Variants in USP24 observed in about 807,000 individuals in gnomAD.
USP24 encodes ubiquitin carboxyl-terminal hydrolase 24.
USP24 carries 97 observed loss-of-function variants against 361.6 expected under a neutral mutation model. The observed-to-expected ratio is 0.27, with a 90% confidence interval of 0.23 to 0.32. The LOEUF (loss-of-function observed/expected upper bound fraction) is 0.32, where lower values mean the gene tolerates loss of function less well. Among genes scored for constraint, USP24 ranks in the 10% least tolerant of loss-of-function variants. The pLI is 1.00. For missense variants in USP24, 2,353 were observed against 3,165.6 expected (o/e 0.74, Z 6.16); for synonymous variants, 1,098 against 1,124.6 (o/e 0.98, Z 0.47).
chr1:55,115,385 A>G (rs1646078976), intron 38 of USP24, among the ~76,000 whole-genome samples: 1 of 145,240 alleles, frequency 6.9e-6, no homozygotes, highest in Non-Finnish European at 1.5e-5. Flanking sequence ...AGTCCCAGCT[A>G]CCTGGGAGGC....
intron 1 of USP24, among the ~76,000 whole-genome samples, chr1:55,181,337 G>A (rs186577551): frequency 1.3e-5 from 2 of 152,226 alleles, no homozygotes; most frequent in Admixed American, 1.3e-4. Flanking sequence ...AATTGGACAA[G>A]GGTAGAAGGA....
At chr1:55,093,774 T>C (rs2100479426) in intron 52 of USP24, 163 bp downstream of exon 52, 2 of 941,676 alleles carry the variant, frequency 2.1e-6, no homozygotes, top group East Asian at 2.7e-5. Flanking sequence ...TCTAGCTCTA[T>C]GGCCCCCTCT....
intron 63 of USP24, among the ~76,000 whole-genome samples, chr1:55,074,717 G>T (rs1644990679): frequency 6.6e-6 from 1 of 151,878 alleles, no homozygotes; most frequent in South Asian, 2.1e-4. Flanking sequence ...CTCTTGAGGA[G>T]TTTATAGTTT....
intron 56 of USP24, among the ~76,000 whole-genome samples, chr1:55,084,807 T>C (rs1645217149): frequency 6.6e-6 from 1 of 152,236 alleles, no homozygotes; most frequent in Non-Finnish European, 1.5e-5. Context: ...TCCAAGTGTA[T>C]GGCCGCCATT....
chr1:55,213,438 C>A (rs1644897341), intron 1 of USP24, among the ~76,000 whole-genome samples: 1 of 152,208 alleles, frequency 6.6e-6, no homozygotes, highest in Non-Finnish European at 1.5e-5. Flanking sequence ...CTTGTTCAAG[C>A]TACTTCAGCC....
intron 31 of USP24, among the ~76,000 whole-genome samples, chr1:55,131,345 G>A (rs1302600053): frequency 6.6e-6 from 1 of 152,092 alleles, no homozygotes; most frequent in Non-Finnish European, 1.5e-5. Context: ...AAAGCACTTT[G>A]GTACTCCATG....
At position 55,106,201 on chromosome 1, in the gene USP24, T is replaced by G; in HGVS notation, c.4825A>C (p.Asn1609His). Residue 1609 changes from asparagine to histidine, a missense_variant, in exon 41 of 68, where the codon AAT (asparagine) becomes CAT (histidine). Asn to His is a moderately conservative substitution (Grantham distance 68). Transcript: ENST00000294383. ...FLFRASRIIL[N>H]SHSPAGSAAI... ...GCACTGCCAGCTGGAGAATGACTAT[T>G]TAAAATAATTCTAGAAGCTCGGAAA... 1.2e-6 allele frequency: 2 copies of G among 1,613,982 alleles called. No individual in the cohort carries two copies. Among genetic ancestry groups the G allele is most frequent in the Non-Finnish European group, 8.5e-7 (1 of 1,179,852 alleles).
intron 9 of USP24, among the ~76,000 whole-genome samples, 154 bp from the exon 10 acceptor site, chr1:55,159,190 A>G (rs941850532): frequency 6.6e-6 from 1 of 152,250 alleles, no homozygotes; most frequent in Non-Finnish European, 1.5e-5. Context: ...TAGAAACAAA[A>G]CTTAGCACAT....
At chr1:55,123,686 C>A in intron 35 of USP24, 84 bp from the exon 36 acceptor site, 1 of 1,346,148 alleles carries the variant, frequency 7.4e-7, no homozygotes, top group Non-Finnish European at 9.8e-7. Context: ...GTTCCAGAAT[C>A]CTCATGTGAC....
In USP24 at chr1:55,097,937, T is replaced by C; in HGVS notation, c.5595+6A>G. The stretch of plus-strand genomic sequence containing the variant: ...TCTTGTTTTTTAAAAAGGGCAAACA[T>C]AATACCTTTTCTTTACACTTTTCAC... On this transcript the variant is annotated splice_donor_region_variant and intron_variant, in intron 47 of 67. Coordinates refer to ENST00000294383, the MANE Select transcript of USP24 (RefSeq NM_015306.3). 1 of 1,590,268 alleles carries C rather than the reference T, an allele frequency of 6.3e-7. No homozygotes were observed. Among genetic ancestry groups the C allele is most frequent in the Non-Finnish European group, 8.5e-7 (1 of 1,172,844 alleles).
chr1:55,137,930 TGA>T (rs1646783896), intron 26 of USP24, 26 bp from the exon 27 acceptor site: 2 of 1,547,112 alleles, frequency 1.3e-6, no homozygotes, highest in Non-Finnish European at 1.8e-6. Context: ...AAACACGTTG[TGA>T]GAGAATTCAT....
intron 52 of USP24, 186 bp downstream of exon 52, chr1:55,093,751 A>G: frequency 1.4e-6 from 1 of 695,194 alleles, no homozygotes; most frequent in Non-Finnish European, 2.3e-6. Context: ...TTGTGTTCTT[A>G]GCACTCCATG....
At chr1:55,170,053 A>C (rs1649292674) in intron 5 of USP24, among the ~76,000 whole-genome samples, 1 of 152,122 alleles carries the variant, frequency 6.6e-6, no homozygotes, top group East Asian at 1.9e-4. Context: ...AGGACATGGA[A>C]TCTTCAGGAG....
intron 4 of USP24, 44 bp downstream of exon 4, chr1:55,172,333 A>C: frequency 6.6e-7 from 1 of 1,505,806 alleles, no homozygotes; most frequent in East Asian, 2.4e-5. Context: ...AAGTATTTTA[A>C]ACAAAATCAA....
intron 6 of USP24, 25 bp downstream of exon 6, chr1:55,166,543 G>A (rs762383723): frequency 6.4e-7 from 1 of 1,572,228 alleles, no homozygotes; most frequent in East Asian, 2.3e-5. Context: ...TATGCTACAT[G>A]ACAATATTAA....
chr1:55,208,686 C>A (rs1172604187), intron 1 of USP24, among the ~76,000 whole-genome samples: 1 of 150,304 alleles, frequency 6.7e-6, no homozygotes, highest in African/African-American at 2.5e-5. Flanking sequence ...GGCTGTAATC[C>A]CAGCACTCTG....
Position 55,129,548 on chromosome 1 carries a change from T to C in USP24, c.3564A>G (p.Thr1188=), listed in dbSNP as rs573641091. Residue 1188 remains threonine, a synonymous_variant, in exon 32 of 68, where the codon ACA becomes ACG. Transcript: ENST00000294383. ...LEVLSSKLMP[T]ADDDMARSCA... ...AGCTTCTGGCCATGTCATCATCAGC[T>C]GTTGGCATGAGTTTGGAGCTTAGAA... 322 of 1,613,914 alleles carry C rather than the reference T, an allele frequency of 2.0e-4. 4 individuals carry two copies. In the South Asian group the frequency reaches 2.4e-3, roughly 12 times the overall value.
rs560009020 is a variant in USP24, at chr1:55,125,061, C to T, written c.3960+259G>A. On this transcript the variant is annotated intron_variant, in intron 34 of 67. Coordinates refer to ENST00000294383, the MANE Select transcript of USP24 (RefSeq NM_015306.3). ...CCATCTATAACATAAAATCACCCAT[C>T]ACAGCCACAGGTGAAGGAAATTATT... Among the ~76,000 whole-genome samples, 3 of 152,306 alleles carry T rather than the reference C, an allele frequency of 2.0e-5. No individual in the cohort carries two copies. In the South Asian group the frequency reaches 6.2e-4, roughly 32 times the overall value.
intron 62 of USP24, among the ~76,000 whole-genome samples, chr1:55,076,424 C>T (rs1645032984): frequency 6.6e-6 from 1 of 152,172 alleles, no homozygotes; most frequent in Non-Finnish European, 1.5e-5. Context: ...TCTTTTCTTA[C>T]TCAAAACTCT....
Sources: gnomAD v4.1 joint callset for allele counts (sites outside exome capture counted in the v4.1 genomes callset) on GRCh38, gnomAD v4.1.1 for gene constraint, MANE v1.5 for transcripts, NCBI Gene and HGNC (gene_info 2026-07-23, HGNC 2026-07-21) for gene names.